Variants in WDR11 observed in about 807,000 individuals in gnomAD.
WDR11 encodes the protein WD repeat domain 11.
WDR11 carries 83 observed loss-of-function variants against 151.2 expected under a neutral mutation model. The ratio of observed to expected loss-of-function variants is 0.55; its 90% confidence interval spans 0.46 to 0.66. The LOEUF (loss-of-function observed/expected upper bound fraction) is 0.66, where lower values mean the gene tolerates loss of function less well. WDR11 is among the 30% of genes least tolerant of loss of function. The probability of loss-of-function intolerance (pLI) is 0.00; values close to 1 mark genes in which losing one functional copy is unlikely to be tolerated. For missense variants in WDR11, 1,301 were observed against 1,480.9 expected (o/e 0.88, Z 1.99); for synonymous variants, 484 against 533.1 (o/e 0.91, Z 1.27).
At chr10:120,874,864 G>C (rs1417636300) in intron 11 of WDR11, among the ~76,000 whole-genome samples, 1 of 151,096 alleles carries the variant, frequency 6.6e-6, no homozygotes, top group Admixed American at 6.6e-5. Context: ...TTGTTACATA[G>C]ATATACATGT....
intron 5 of WDR11, 48 bp from the exon 6 acceptor site, chr10:120,864,999 C>T (rs1846263073): frequency 6.3e-7 from 1 of 1,584,646 alleles, no homozygotes; most frequent in Non-Finnish European, 8.7e-7. Flanking sequence ...TTTATTAGGT[C>T]TGATATAAAT....
intron 19 of WDR11, among the ~76,000 whole-genome samples, chr10:120,898,822 C>A (rs6585675): frequency 4.6e-5 from 7 of 151,940 alleles, no homozygotes; most frequent in African/African-American, 1.7e-4. Context: ...TAAACCTCTT[C>A]TCTTTATAAA....
chr10:120,897,890 TA>T (rs904523980), intron 19 of WDR11, among the ~76,000 whole-genome samples: 16 of 151,246 alleles, frequency 1.1e-4, no homozygotes, highest in Admixed American at 2.6e-4. Flanking sequence ...TTCTTGGGTG[TA>T]AAAAAAAAGT....
intron 28 of WDR11, chr10:120,908,271 A>G (rs530302288): frequency 5.1e-5 from 20 of 389,914 alleles, no homozygotes; most frequent in Non-Finnish European, 8.6e-5. Context: ...AGTTGAGTGT[A>G]GGTTATGGGA....
At chr10:120,908,478 A>C (rs1590129907) in intron 28 of WDR11, 78 bp from the exon 29 acceptor site, 1 of 1,506,728 alleles carries the variant, frequency 6.6e-7, no homozygotes, top group Non-Finnish European at 9.2e-7. Context: ...GACGCGACTC[A>C]CCCTTCCTGC....
In WDR11 at chr10:120,889,933, G is replaced by A. The variant is rs12265848; in HGVS notation, c.2267G>A (p.Arg756His). ...PTHRSWVRKI[R>H]FAPGKGNQKL... is the part of the protein sequence containing the mutation. ...CACCGAAGTTGGGTGAGGAAGATTC[G>A]TTTTGCTCCTGGTAAAGGAAATCAA... The change falls in exon 18 of 29, where the codon CGT becomes CAT. Residue 756 changes from arginine (R) to histidine (H), a missense_variant. Physicochemically the swap from Arg to His is conservative, Grantham distance 29. Around this residue, in one of 3 missense-constraint regions of WDR11, gnomAD observed 589 missense variants for 670.6 expected, o/e 0.88. Transcript: ENST00000263461. The A allele has an allele frequency of 1.3e-4, 214 of 1,613,926 alleles. No individual in the cohort carries two copies. Among genetic ancestry groups the A allele is most frequent in the Non-Finnish European group, 1.7e-4 (202 of 1,179,950 alleles).
chr10:120,893,358 G>A (rs1312499806), intron 19 of WDR11, among the ~76,000 whole-genome samples: 1 of 152,070 alleles, frequency 6.6e-6, no homozygotes, highest in African/African-American at 2.4e-5. Context: ...CATTCTTTAT[G>A]GCTGCATAGT....
At chr10:120,895,293 A>G (rs1847573165) in intron 19 of WDR11, among the ~76,000 whole-genome samples, 1 of 152,144 alleles carries the variant, frequency 6.6e-6, no homozygotes, top group African/African-American at 2.4e-5. Context: ...ACATATACAT[A>G]TGCTATCTAA....
chr10:120,875,978 CTT>C (rs67775105), intron 11 of WDR11, among the ~76,000 whole-genome samples: 10 of 122,798 alleles, frequency 8.1e-5, no homozygotes, highest in Non-Finnish European at 1.2e-4. Flanking sequence ...CCTTTTTTTT[CTT>C]TTTTTTTTTT....
In WDR11 at chr10:120,898,638, T is replaced by TA. The variant is rs1564720521; in HGVS notation, c.2516-1390dup. 2.6e-5 allele frequency among the ~76,000 whole-genome samples: 4 copies of TA among 152,294 alleles called. No homozygotes were observed. The South Asian group carries it at 8.3e-4, about 32-fold the overall frequency. On this transcript the variant is annotated intron_variant, in intron 19 of 28. Transcript: ENST00000263461. ...GGATCATGGGGGCAGATTTCCCCCTTACTGTTCTCACGATAGTAAGTGAGT... is the reference window on the plus strand; with the variant it reads ...GGATCATGGGGGCAGATTTCCCCCTTAACTGTTCTCACGATAGTAAGTGAGT...
intron 19 of WDR11, among the ~76,000 whole-genome samples, chr10:120,893,743 A>T (rs1847505135): frequency 6.6e-6 from 1 of 152,030 alleles, no homozygotes; most frequent in African/African-American, 2.4e-5. Context: ...TGTGGTTTTG[A>T]GTTGCATTTC....
Position 120,908,740 on chromosome 10 carries a change from A to G in WDR11, c.*27A>G, listed in dbSNP as rs1848173701. On this transcript the variant is annotated 3_prime_UTR_variant, in exon 29 of 29. Coordinates refer to ENST00000263461, the MANE Select transcript of WDR11 (RefSeq NM_018117.12). ...AGCTTAATAAATGCCAGGGAATCTG[A>G]CCTGGAAGGCAGATGGGAGGGGGCT... 4.3e-6 allele frequency: 7 copies of G among 1,612,552 alleles called. No homozygotes were observed. The highest frequency in any genetic ancestry group is 1.8e-4 in the Middle Eastern group (1 of 5,486).
At chr10:120,882,243 G>C (rs1847033586) in intron 13 of WDR11, among the ~76,000 whole-genome samples, 1 of 151,884 alleles carries the variant, frequency 6.6e-6, no homozygotes, top group African/African-American at 2.4e-5. Context: ...TTACTGTTTT[G>C]ACATATTGCT....
At chr10:120,857,094 A>ATG (rs1326430672) in intron 2 of WDR11, among the ~76,000 whole-genome samples, 1 of 152,062 alleles carries the variant, frequency 6.6e-6, no homozygotes, top group Non-Finnish European at 1.5e-5. Context: ...ATATATATGT[A>ATG]TGTATTTTTT....
At chr10:120,898,986 G>A (rs1157939269) in intron 19 of WDR11, among the ~76,000 whole-genome samples, 5 of 152,190 alleles carry the variant, frequency 3.3e-5, no homozygotes, top group Non-Finnish European at 7.3e-5. Context: ...TTCTGGAGGG[G>A]AGTTGGTAGT....
At chr10:120,858,852 G>T (rs1292482027) in intron 3 of WDR11, 56 bp downstream of exon 3, 1 of 1,607,964 alleles carries the variant, frequency 6.2e-7, no homozygotes, top group Non-Finnish European at 8.5e-7. Flanking sequence ...TCTTGGAGTG[G>T]TTTTTTGGTT....
chr10:120,882,640 T>C (rs1292867983), intron 13 of WDR11, among the ~76,000 whole-genome samples: 3 of 151,960 alleles, frequency 2.0e-5, no homozygotes, highest in Admixed American at 6.6e-5. Context: ...TTGTTGAAGT[T>C]GCTGAGTTTA....
At chr10:120,903,454 G>A (rs891253551) in intron 23 of WDR11, among the ~76,000 whole-genome samples, 5 of 150,964 alleles carry the variant, frequency 3.3e-5, no homozygotes, top group African/African-American at 9.8e-5. Context: ...AGGTTGCAGT[G>A]AGCTGAGATC....
At chr10:120,904,561 C>T (rs1300129811) in intron 24 of WDR11, 85 bp from the exon 25 acceptor site, 2 of 1,530,836 alleles carry the variant, frequency 1.3e-6, no homozygotes, top group East Asian at 2.3e-5. Flanking sequence ...TGAGTGTTTT[C>T]CTTTAGTTTT....
Sources: gnomAD v4.1 joint callset for allele counts (sites outside exome capture counted in the v4.1 genomes callset) on GRCh38, gnomAD v4.1.1 for gene constraint, gnomAD v4.1.1 regional missense constraint, MANE v1.5 for transcripts, NCBI Gene and HGNC (gene_info 2026-07-23, HGNC 2026-07-21) for gene names.